Variants in NUP37 observed in about 807,000 individuals in gnomAD.
NUP37 encodes the protein nucleoporin 37, also known as nucleoporin Nup37.
A neutral mutation model predicts 45.4 loss-of-function variants in NUP37; 33 were observed. The observed-to-expected ratio is 0.73, with a 90% CI of 0.55 to 0.97. The LOEUF is 0.97. NUP37 is among the 50% of genes least tolerant of loss of function. The pLI, the probability that NUP37 is intolerant of heterozygous loss-of-function variation, is 0.00. For synonymous variants in NUP37, 127 were observed against 130.7 expected (o/e 0.97, Z 0.19); for missense variants, 365 against 389.7 (o/e 0.94, Z 0.53).
intron 5 of NUP37, among the ~76,000 whole-genome samples, chr12:102,094,064 A>C (rs569830946): frequency 6.6e-6 from 1 of 152,218 alleles, no homozygotes; most frequent in East Asian, 1.9e-4. Context: ...ATTGAATTTA[A>C]AAATGTCTGC....
intron 6 of NUP37, among the ~76,000 whole-genome samples, chr12:102,084,288 T>A (rs1879408450): frequency 6.6e-6 from 1 of 152,198 alleles, no homozygotes; most frequent in Admixed American, 6.5e-5. Flanking sequence ...ACTACGTGCT[T>A]GTTATGATTA....
At chr12:102,107,583 T>C (rs1880189890) in intron 3 of NUP37, among the ~76,000 whole-genome samples, 1 of 152,170 alleles carries the variant, frequency 6.6e-6, no homozygotes, top group South Asian at 2.1e-4. Flanking sequence ...ACAGTAATGC[T>C]CAAACAGTAC....
At chr12:102,097,797 G>T (rs764297304) in intron 5 of NUP37, among the ~76,000 whole-genome samples, 1 of 151,840 alleles carries the variant, frequency 6.6e-6, no homozygotes, top group African/African-American at 2.4e-5. Context: ...TACTCTTCAG[G>T]TCACTATACA....
At chr12:102,107,941 G>GC (rs1475479549) in intron 3 of NUP37, among the ~76,000 whole-genome samples, 1 of 152,164 alleles carries the variant, frequency 6.6e-6, no homozygotes, top group Non-Finnish European at 1.5e-5. Flanking sequence ...CACACTGGCA[G>GC]CCTCAAGTGT....
At chr12:102,099,619 C>A (rs1879915841) in intron 4 of NUP37, among the ~76,000 whole-genome samples, 1 of 152,184 alleles carries the variant, frequency 6.6e-6, no homozygotes, top group South Asian at 2.1e-4. Flanking sequence ...TGCATACTCA[C>A]TACTTAACAA....
chr12:102,102,017 G>A (rs1879986164), intron 3 of NUP37, among the ~76,000 whole-genome samples: 2 of 152,102 alleles, frequency 1.3e-5, no homozygotes, highest in Admixed American at 6.6e-5. Context: ...GAGCCACTGC[G>A]CCTGGCCAAC....
intron 7 of NUP37, 31 bp downstream of exon 7, chr12:102,077,290 GT>G (rs1879198858): frequency 6.2e-7 from 1 of 1,606,118 alleles, no homozygotes; most frequent in Non-Finnish European, 8.5e-7. Context: ...CCTTTTTTTG[GT>G]GTGTAATAGA....
intron 2 of NUP37, among the ~76,000 whole-genome samples, chr12:102,116,267 G>A (rs1880459467): frequency 1.3e-5 from 2 of 152,000 alleles, no homozygotes; most frequent in Non-Finnish European, 2.9e-5. Flanking sequence ...AATCATAAAT[G>A]AGATAAACAT....
chr12:102,107,067 T>C (rs1231095647), intron 3 of NUP37, among the ~76,000 whole-genome samples: 1 of 152,198 alleles, frequency 6.6e-6, no homozygotes, highest in Non-Finnish European at 1.5e-5. Context: ...CTAATTTTAG[T>C]GGGTTAGTGA....
intron 6 of NUP37, among the ~76,000 whole-genome samples, chr12:102,081,602 T>G (rs978592096): frequency 6.6e-6 from 1 of 152,250 alleles, no homozygotes; most frequent in Non-Finnish European, 1.5e-5. Flanking sequence ...TACTACTGTC[T>G]CTGCAGTGTT....
At chr12:102,092,605 A>C (rs1879687188) in intron 5 of NUP37, among the ~76,000 whole-genome samples, 1 of 152,176 alleles carries the variant, frequency 6.6e-6, no homozygotes, top group African/African-American at 2.4e-5. Flanking sequence ...ATGAGCACAC[A>C]ATTAGAAAGT....
chr12:102,119,498 G>A (rs1262252388), intron 1 of NUP37: 1 of 152,222 alleles, frequency 6.6e-6, no homozygotes, highest in Non-Finnish European at 1.5e-5. Flanking sequence ...ATTCCCACAT[G>A]AGAATTATGG....
At chr12:102,114,476 CTATTT>C (rs768049604) in intron 2 of NUP37, among the ~76,000 whole-genome samples, 1 of 152,084 alleles carries the variant, frequency 6.6e-6, no homozygotes, top group Non-Finnish European at 1.5e-5. Context: ...GAGACAAATG[CTATTT>C]TGGATTTAGT....
chr12:102,104,699 G>C (rs751800569), intron 3 of NUP37, among the ~76,000 whole-genome samples: 86 of 152,140 alleles, frequency 5.7e-4, no homozygotes, highest in Non-Finnish European at 1.1e-3. Context: ...TTGTTGAACA[G>C]ACTATCCTTT....
rs181194166 is a variant in NUP37, at chr12:102,073,147, A to C, written c.*1207T>G. 2.5e-3 allele frequency: 379 copies of C among 152,320 alleles called. 3 individuals carry two copies. Among genetic ancestry groups the C allele is most frequent in the African/African-American group, 8.8e-3 (367 of 41,568 alleles). The allele number at this position is 152,320 out of a possible 1,614,324, so 9.4% of individuals were successfully genotyped here. On this transcript the variant is annotated 3_prime_UTR_variant, in exon 10 of 10. Coordinates refer to ENST00000552283, the MANE Select transcript of NUP37 (RefSeq NM_024057.4). Reference sequence around the variant, plus strand: ...TTAATCTTTACAGCAACTCCACAAAATAATGATTCCTATCTGTACTTTACA... The same window carrying C: ...TTAATCTTTACAGCAACTCCACAAACTAATGATTCCTATCTGTACTTTACA...
chr12:102,092,038 T>C (rs534640876), intron 5 of NUP37, among the ~76,000 whole-genome samples: 4 of 152,210 alleles, frequency 2.6e-5, no homozygotes, highest in Non-Finnish European at 5.9e-5. Context: ...ATCCTAGATA[T>C]TCTCAAAGGT....
chr12:102,087,485 T>C (rs1417542592), intron 5 of NUP37, among the ~76,000 whole-genome samples: 3 of 152,226 alleles, frequency 2.0e-5, no homozygotes, highest in Non-Finnish European at 4.4e-5. Context: ...TCATCTGTAT[T>C]TATTATACAA....
chr12:102,111,301 T>A (rs115536492), intron 3 of NUP37, among the ~76,000 whole-genome samples: 1 of 152,264 alleles, frequency 6.6e-6, no homozygotes, highest in East Asian at 1.9e-4. Context: ...AATGATTAAC[T>A]GGGAAGAAGT....
At chr12:102,091,675 A>C (rs1218562546) in intron 5 of NUP37, among the ~76,000 whole-genome samples, 3 of 152,068 alleles carry the variant, frequency 2.0e-5, no homozygotes, top group Non-Finnish European at 1.5e-5. Context: ...AATACAGACC[A>C]AATCAAAGGG....
Sources: allele counts gnomAD v4.1 joint callset (sites outside exome capture counted in the v4.1 genomes callset), GRCh38; gene constraint gnomAD v4.1.1; transcripts MANE v1.5; gene names NCBI Gene and HGNC (gene_info 2026-07-23, HGNC 2026-07-21).